Variants in EPHB1 observed in about 807,000 individuals in gnomAD.
EPHB1 encodes ephrin type-B receptor 1.
A neutral mutation model predicts 94.4 loss-of-function variants in EPHB1; 30 were observed. The ratio of observed to expected loss-of-function variants is 0.32; its 90% confidence interval spans 0.24 to 0.43. The LOEUF (loss-of-function observed/expected upper bound fraction) is 0.43, where lower values mean the gene tolerates loss of function less well. Ranked by LOEUF, EPHB1 falls within the 20% of genes least tolerant of loss-of-function variation. The pLI is 1.00. For missense variants in EPHB1, 1,055 were observed against 1,308.3 expected (o/e 0.81, Z 2.99); for synonymous variants, 522 against 489.1 (o/e 1.07, Z -0.89).
At position 135,012,529 on chromosome 3, in the gene EPHB1, G is replaced by A. The variant is rs182191147; in HGVS notation, c.805+60477G>A. On this transcript the variant is annotated intron_variant, in intron 3 of 15. Coordinates refer to ENST00000398015, the MANE Select transcript of EPHB1 (RefSeq NM_004441.5). ...CCCTTCATTTATACATTTACCTAGA[G>A]ACATGACAGAGGACATAGAGAGCTT... Among the ~76,000 whole-genome samples the A allele has an allele frequency of 1.3e-3, 193 of 152,376 alleles. 2 individuals carry two copies. The highest frequency in any genetic ancestry group is 4.6e-3 in the Admixed American group (70 of 15,302).
intron 11 of EPHB1, among the ~76,000 whole-genome samples, chr3:135,199,067 A>T (rs1021852661): frequency 1.3e-5 from 2 of 152,250 alleles, no homozygotes; most frequent in African/African-American, 4.8e-5. Context: ...TAAAGCAAAA[A>T]TGTAGACACA....
intron 2 of EPHB1, among the ~76,000 whole-genome samples, chr3:134,950,530 A>G (rs1298621542): frequency 6.6e-6 from 1 of 152,216 alleles, no homozygotes; most frequent in Non-Finnish European, 1.5e-5. Flanking sequence ...TAGTGCCAGC[A>G]TCTACTTCTG....
intron 3 of EPHB1, among the ~76,000 whole-genome samples, chr3:135,086,418 C>T (rs748826258): frequency 7.9e-5 from 12 of 151,798 alleles, no homozygotes; most frequent in African/African-American, 7.3e-5. Context: ...CACTTCAAGA[C>T]TTCCCAGCTT....
chr3:135,042,512 A>G (rs907733689), intron 3 of EPHB1, among the ~76,000 whole-genome samples: 1 of 152,214 alleles, frequency 6.6e-6, no homozygotes, highest in Admixed American at 6.5e-5. Flanking sequence ...TTTTGTGTGA[A>G]ATTCCAGCTC....
intron 10 of EPHB1, 55 bp downstream of exon 10, chr3:135,180,037 C>G: frequency 6.2e-7 from 1 of 1,605,908 alleles, no homozygotes; most frequent in Non-Finnish European, 8.5e-7. Context: ...CATCTTCTTT[C>G]CACCACCCTA....
intron 1 of EPHB1, among the ~76,000 whole-genome samples, chr3:134,823,440 A>G (rs1319234419): frequency 6.6e-6 from 1 of 152,152 alleles, no homozygotes; most frequent in African/African-American, 2.4e-5. Context: ...ACAAACTCTT[A>G]AAGTTTAAGG....
intron 15 of EPHB1, among the ~76,000 whole-genome samples, chr3:135,255,111 T>C (rs1313545802): frequency 6.6e-6 from 1 of 152,184 alleles, no homozygotes; most frequent in Non-Finnish European, 1.5e-5. Context: ...CTCTCTTTTT[T>C]TATTAGTCTT....
chr3:135,145,517 C>G (rs1241511492), intron 5 of EPHB1, among the ~76,000 whole-genome samples: 1 of 152,160 alleles, frequency 6.6e-6, no homozygotes, highest in African/African-American at 2.4e-5. Context: ...CTTCAAGGCC[C>G]TAGCAGCTCT....
intron 3 of EPHB1, among the ~76,000 whole-genome samples, chr3:135,031,624 A>G (rs747361289): frequency 3.9e-5 from 6 of 152,142 alleles, no homozygotes; most frequent in African/African-American, 1.2e-4. Flanking sequence ...CTATTTTTCA[A>G]TGCTTAGCCA....
At position 135,167,021 on chromosome 3, in the gene EPHB1, G is replaced by C. The variant is rs1413894850; in HGVS notation, c.1759+15G>C. The stretch of plus-strand genomic sequence containing the variant: ...CACAGGCCGAGGTAAGTAGAAAGCA[G>C]AGACCCGGTGTCTGACCCCCACAGG... On this transcript the variant is annotated intron_variant, in intron 9 of 15. Coordinates refer to ENST00000398015, the MANE Select transcript of EPHB1 (RefSeq NM_004441.5). 6.2e-7 allele frequency: 1 copy of C among 1,613,924 alleles called. No individual in the cohort carries two copies.
chr3:134,951,538 C>G lies in EPHB1; in HGVS notation c.291C>G (p.Ser97Arg), dbSNP rs200331680. Residue 97 changes from serine to arginine, a missense_variant, in exon 3 of 16, where the codon AGC becomes AGG. Transcript: ENST00000398015. This position sits in a 1 kb window ranked among gnomAD's most constrained non-coding sequence, Gnocchi z 4.5. ...TGCGCTTCACTGTGAGAGACTGCAG[C>G]AGCCTCCCTAATGTCCCAGGATCCT... is the stretch of plus-strand genomic sequence containing the variant. ...TEMRFTVRDC[S>R]SLPNVPGSCK... The G allele has an allele frequency of 6.2e-7, 1 of 1,613,922 alleles. No homozygotes were observed. Among genetic ancestry groups the G allele is most frequent in the South Asian group, 1.1e-5 (1 of 91,068 alleles).
At chr3:134,905,845 T>C (rs2038313145) in intron 1 of EPHB1, among the ~76,000 whole-genome samples, 1 of 152,174 alleles carries the variant, frequency 6.6e-6, no homozygotes, top group South Asian at 2.1e-4. Context: ...CCTTGGACTG[T>C]TTCGATTGAG....
chr3:135,235,032 C>A (rs983275268), intron 12 of EPHB1, among the ~76,000 whole-genome samples: 2 of 152,198 alleles, frequency 1.3e-5, no homozygotes, highest in Non-Finnish European at 2.9e-5. Flanking sequence ...GAAGGTCTAG[C>A]CCAGTGGTTC....
intron 12 of EPHB1, among the ~76,000 whole-genome samples, chr3:135,217,424 C>CCACACA (rs200312241): frequency 0.013 from 1,821 of 143,452 alleles, 19 homozygotes; most frequent in Non-Finnish European, 0.017. Flanking sequence ...CCCATCAGTA[C>CCACACA]CACACACACA....
chr3:135,186,840 A>C (rs1225435347), intron 10 of EPHB1, among the ~76,000 whole-genome samples: 1 of 152,186 alleles, frequency 6.6e-6, no homozygotes, highest in Non-Finnish European at 1.5e-5. Flanking sequence ...TTCAGCAGCT[A>C]TCTGGGATGA....
At chr3:135,040,910 T>G (rs1353208641) in intron 3 of EPHB1, among the ~76,000 whole-genome samples, 1 of 152,184 alleles carries the variant, frequency 6.6e-6, no homozygotes, top group East Asian at 1.9e-4. Flanking sequence ...CATCTATAAT[T>G]CCTTCCCCTT....
intron 1 of EPHB1, among the ~76,000 whole-genome samples, chr3:134,809,634 C>T (rs891048974): frequency 5.3e-5 from 8 of 152,202 alleles, no homozygotes; most frequent in African/African-American, 1.7e-4. Context: ...AGGGCTACAT[C>T]GCCCTCTTTT....
intron 3 of EPHB1, among the ~76,000 whole-genome samples, chr3:135,059,747 C>T (rs1283135895): frequency 6.6e-6 from 1 of 152,176 alleles, no homozygotes; most frequent in Non-Finnish European, 1.5e-5. Context: ...GTCTTAAACT[C>T]CTGGGGAACT....
intron 3 of EPHB1, among the ~76,000 whole-genome samples, chr3:135,084,759 C>T (rs952332245): frequency 1.3e-5 from 2 of 152,146 alleles, no homozygotes; most frequent in Non-Finnish European, 2.9e-5. Context: ...AGAATGTACA[C>T]TTGCAGTTGT....
Sources: gnomAD v4.1 joint callset for allele counts (sites outside exome capture counted in the v4.1 genomes callset) on GRCh38, gnomAD v4.1.1 for gene constraint, Gnocchi (gnomAD v3.1) non-coding constraint, MANE v1.5 for transcripts, NCBI Gene and HGNC (gene_info 2026-07-23, HGNC 2026-07-21) for gene names.